The following SPATS2 variants were observed in gnomAD, a reference collection of about 807,000 sequenced individuals.
SPATS2 encodes the protein spermatogenesis-associated serine-rich protein 2.
In SPATS2, 38 loss-of-function variants were observed where a neutral mutation model predicts 63.7. The ratio of observed to expected loss-of-function variants is 0.60; its 90% CI spans 0.46 to 0.78. SPATS2 has a LOEUF of 0.78. Among genes scored for constraint, SPATS2 ranks in the 30% least tolerant of loss-of-function variants. The pLI, the probability that SPATS2 is intolerant of heterozygous loss-of-function variation, is 0.00. For missense variants in SPATS2, 588 were observed against 666.2 expected (o/e 0.88, Z 1.29); for synonymous variants, 207 against 232.9 (o/e 0.89, Z 1.01).
intron 2 of SPATS2, among the ~76,000 whole-genome samples, chr12:49,427,077 A>G (rs1169860587): frequency 6.6e-6 from 1 of 152,090 alleles, no homozygotes; most frequent in African/African-American, 2.4e-5. Flanking sequence ...ACAGATTTTT[A>G]TACTCCCACT....
At position 49,510,422 on chromosome 12, in the gene SPATS2, G is replaced by A. The variant is rs973481758; in HGVS notation, c.840-4133G>A. On this transcript the variant is annotated intron_variant, in intron 9 of 13. Coordinates refer to ENST00000552918, the MANE Select transcript of SPATS2 (RefSeq NM_023071.4). ...TACAAAAAATGTAAAAAATTAGCTG[G>A]GCATGGTAGCTCGTGCCTGTAGTCC... is the stretch of plus-strand genomic sequence containing the variant. 7.3e-5 allele frequency among the ~76,000 whole-genome samples: 11 copies of A among 150,408 alleles called. No individual in the cohort carries two copies. In the South Asian group the frequency reaches 2.3e-3, roughly 32 times the overall value.
chr12:49,395,750 G>A (rs76155889), intron 2 of SPATS2, among the ~76,000 whole-genome samples: 2,091 of 152,154 alleles, frequency 0.014, 44 homozygotes, highest in African/African-American at 0.047. Context: ...ACTTCTTTTT[G>A]GTAGTAAGAA....
At chr12:49,498,645 A>G (rs1278656844) in intron 8 of SPATS2, among the ~76,000 whole-genome samples, 1 of 152,112 alleles carries the variant, frequency 6.6e-6, no homozygotes, top group Non-Finnish European at 1.5e-5. Flanking sequence ...AACAGTTTCT[A>G]TTCTGCTGTT....
At chr12:49,517,389 C>G (rs1946868426) in intron 10 of SPATS2, among the ~76,000 whole-genome samples, 1 of 152,162 alleles carries the variant, frequency 6.6e-6, no homozygotes, top group Non-Finnish European at 1.5e-5. Context: ...TCTGTAATAC[C>G]TGGTGTAACT....
At chr12:49,503,897 G>A (rs891684494) in intron 9 of SPATS2, among the ~76,000 whole-genome samples, 3 of 152,104 alleles carry the variant, frequency 2.0e-5, no homozygotes, top group African/African-American at 7.2e-5. Flanking sequence ...TTCCTACCTG[G>A]GAACTGTGTA....
At chr12:49,418,894 A>G (rs769284181) in intron 2 of SPATS2, among the ~76,000 whole-genome samples, 1 of 152,252 alleles carries the variant, frequency 6.6e-6, no homozygotes, top group Admixed American at 6.5e-5. Context: ...AAGGCAGACA[A>G]TAGGTACTTT....
At chr12:49,397,477 C>G (rs1944530773) in intron 2 of SPATS2, among the ~76,000 whole-genome samples, 1 of 152,114 alleles carries the variant, frequency 6.6e-6, no homozygotes, top group Non-Finnish European at 1.5e-5. Flanking sequence ...GTTTTGCTCA[C>G]TAGTATATTC....
intron 2 of SPATS2, among the ~76,000 whole-genome samples, chr12:49,398,509 A>G (rs937143072): frequency 3.3e-5 from 5 of 152,170 alleles, no homozygotes; most frequent in African/African-American, 1.2e-4. Flanking sequence ...TTGGATGAAG[A>G]TGGGAGAATA....
chr12:49,390,767 TC>T (rs1245104505), intron 2 of SPATS2, among the ~76,000 whole-genome samples: 1 of 152,196 alleles, frequency 6.6e-6, no homozygotes, highest in Non-Finnish European at 1.5e-5. Context: ...CTAACAATTG[TC>T]CATAACTTGT....
At chr12:49,486,057 CCTCT>C (rs570225354) in intron 4 of SPATS2, among the ~76,000 whole-genome samples, 10 of 152,048 alleles carry the variant, frequency 6.6e-5, no homozygotes, top group South Asian at 2.1e-4. Context: ...CTGCACCTGG[CCTCT>C]CTGTCTTATT....
chr12:49,496,924 C>T lies in SPATS2; in HGVS notation c.618C>T (p.Ala206=). ...ATTCTCAACAACCCAGGAATGCTGC[C>T]AAATCTCTCTCAAGACCTACCACAG... ...IHNSQQPRNA[A]KSLSRPTTET... The change falls in exon 8 of 14, where the codon GCC becomes GCT. Residue 206 remains alanine, a synonymous_variant. Transcript: ENST00000552918. 1 of 1,612,686 alleles carries T rather than the reference C, an allele frequency of 6.2e-7. No homozygotes were observed. The highest frequency in any genetic ancestry group is 8.5e-7 in the Non-Finnish European group (1 of 1,179,548).
chr12:49,377,550 G>A (rs1026630024), intron 2 of SPATS2, among the ~76,000 whole-genome samples: 1 of 151,954 alleles, frequency 6.6e-6, no homozygotes, highest in African/African-American at 2.4e-5. Flanking sequence ...CACACTGTAC[G>A]GGCTAATTAT....
At chr12:49,522,880 T>C in intron 12 of SPATS2, 27 bp downstream of exon 12, 1 of 1,581,686 alleles carries the variant, frequency 6.3e-7, no homozygotes, top group South Asian at 1.1e-5. Flanking sequence ...GTCTGGGCAC[T>C]ACAGGTGGTG....
At chr12:49,472,403 A>G (rs1946050328) in intron 3 of SPATS2, among the ~76,000 whole-genome samples, 1 of 151,698 alleles carries the variant, frequency 6.6e-6, no homozygotes, top group African/African-American at 2.4e-5. Context: ...ACATTATTAC[A>G]TATAGAATTA....
At chr12:49,493,835 T>A (rs1946423023) in intron 6 of SPATS2, among the ~76,000 whole-genome samples, 1 of 152,230 alleles carries the variant, frequency 6.6e-6, no homozygotes, top group Non-Finnish European at 1.5e-5. Flanking sequence ...ATAAGACCAT[T>A]CTCCTCTTTG....
intron 2 of SPATS2, among the ~76,000 whole-genome samples, chr12:49,427,456 T>C (rs1220536642): frequency 6.6e-6 from 1 of 152,168 alleles, no homozygotes; most frequent in Non-Finnish European, 1.5e-5. Flanking sequence ...TTGTTTCCAT[T>C]TTCTTAACTG....
At chr12:49,435,351 G>A (rs1341683650) in intron 2 of SPATS2, among the ~76,000 whole-genome samples, 2 of 138,742 alleles carry the variant, frequency 1.4e-5, no homozygotes, top group South Asian at 2.3e-4. Flanking sequence ...TAAAGATAAG[G>A]TCTAGCTTTG....
At chr12:49,367,642 G>A (rs897695897) in intron 1 of SPATS2, 55 bp downstream of exon 1, 90 of 395,566 alleles carry the variant, frequency 2.3e-4, no homozygotes, top group Non-Finnish European at 3.4e-4. Context: ...GGGCGCCGAG[G>A]TGCGGGGAGC....
Position 49,437,374 on chromosome 12 carries a change from A to G in SPATS2, c.-243-23396A>G, listed in dbSNP as rs1275516289. On this transcript the variant is annotated intron_variant, in intron 2 of 13. Coordinates refer to ENST00000552918, the MANE Select transcript of SPATS2 (RefSeq NM_023071.4). ...GCAGCCAGGCAGAGAGGCTCCTCAC[A>G]TCCCAGACGATGGGCGGCCAGGCAG... is the stretch of plus-strand genomic sequence containing the variant. Among the ~76,000 whole-genome samples, 7 of 145,496 alleles carry G rather than the reference A, an allele frequency of 4.8e-5. 1 individual carries two copies. The highest frequency in any genetic ancestry group is 6.8e-5 in the Admixed American group (1 of 14,600).
Sources: gnomAD v4.1 joint callset for allele counts (sites outside exome capture counted in the v4.1 genomes callset) on GRCh38, gnomAD v4.1.1 for gene constraint, MANE v1.5 for transcripts, NCBI Gene and HGNC (gene_info 2026-07-23, HGNC 2026-07-21) for gene names.